MEAK7: variants seen among roughly 807,000 people sequenced by gnomAD.
The protein encoded by MEAK7 is MTOR-associated protein MEAK7.
Under a neutral mutation model 40.5 loss-of-function variants are expected in MEAK7, and 68 were observed. That is an observed-to-expected ratio of 1.68 (90% CI 1.38 to 2.06). The LOEUF (loss-of-function observed/expected upper bound fraction) is 2.06. Among genes scored for constraint, MEAK7 ranks in the 30% most tolerant of loss-of-function variants. The pLI is 0.00. For synonymous variants in MEAK7, 338 were observed against 231.9 expected (o/e 1.46, Z -4.16); for missense variants, 918 against 580.5 (o/e 1.58, Z -5.98).
At position 84,482,594 on chromosome 16, in the gene MEAK7, G is replaced by C. The variant is rs1912662923; in HGVS notation, c.1075C>G (p.Leu359Val). 2 of 1,614,192 alleles carry C rather than the reference G, an allele frequency of 1.2e-6. No individual in the cohort carries two copies. The highest frequency in any genetic ancestry group is 1.7e-6 in the Non-Finnish European group (2 of 1,179,996). Residue 359 changes from leucine (L) to valine (V), a missense_variant and splice_region_variant, in exon 6 of 8, where the codon CTG becomes GTG. Coordinates refer to ENST00000343629, the MANE Select transcript of MEAK7 (RefSeq NM_020947.4). ...NHGQQTIPNG[L>V]GMGGQHNYFG... is the part of the protein sequence containing the mutation. ...CACCACGCTCTGCCCGGGCTCACCA[G>C]TCCGTTCGGGATCGTCTGCTGTCCA...
At chr16:84,498,927 A>C (rs1337162361) in intron 1 of MEAK7, among the ~76,000 whole-genome samples, 1 of 152,164 alleles carries the variant, frequency 6.6e-6, no homozygotes, top group Non-Finnish European at 1.5e-5. Context: ...CAAGCTACTA[A>C]AACGCTCTCT....
Position 84,504,601 on chromosome 16 carries a change from C to T in MEAK7, c.-26G>A. 1.0e-6 allele frequency: 1 copy of T among 985,730 alleles called. No individual in the cohort carries two copies. Among genetic ancestry groups the T allele is most frequent in the Non-Finnish European group, 1.2e-6 (1 of 830,120 alleles). 61.1% of individuals were successfully genotyped at this position (985,730 alleles called of 1,614,324 possible). ...TGCGAACCTCAGCCCAGGTACCTAC[C>T]CTGCCGGGCTTCCTGGTGCTGTCCG... On this transcript the variant is annotated splice_region_variant and 5_prime_UTR_variant, in exon 1 of 8. Coordinates refer to ENST00000343629, the MANE Select transcript of MEAK7 (RefSeq NM_020947.4).
chr16:84,480,233 G>A (rs1431793775), intron 7 of MEAK7, among the ~76,000 whole-genome samples: 28 of 152,142 alleles, frequency 1.8e-4, no homozygotes. Context: ...AACCAGGGAA[G>A]CGGAAGGAAC....
intron 3 of MEAK7, among the ~76,000 whole-genome samples, chr16:84,493,626 CCTTT>C (rs1180419291): frequency 1.3e-5 from 2 of 151,996 alleles, no homozygotes; most frequent in African/African-American, 2.4e-5. Flanking sequence ...AAACATAATC[CCTTT>C]CTGTCTACCT....
At chr16:84,493,834 G>C (rs777382984) in intron 3 of MEAK7, among the ~76,000 whole-genome samples, 6 of 152,158 alleles carry the variant, frequency 3.9e-5, no homozygotes, top group Non-Finnish European at 8.8e-5. Flanking sequence ...CTGTAGAGCT[G>C]ATAAAAGCCA....
chr16:84,489,171 G>A (rs1231870134), intron 4 of MEAK7, 107 bp downstream of exon 4: 10 of 1,373,594 alleles, frequency 7.3e-6, no homozygotes, highest in Non-Finnish European at 9.6e-6. Context: ...AGGTTCGAGG[G>A]CTCACGCATT....
chr16:84,502,938 T>C (rs1914620266), intron 1 of MEAK7: 1 of 152,136 alleles, frequency 6.6e-6, no homozygotes, highest in African/African-American at 2.4e-5. Context: ...GACCAGACTT[T>C]AGTCAGGCTC....
In MEAK7 at chr16:84,489,281, G is replaced by T. The variant is rs753665833; in HGVS notation, c.526C>A (p.Gln176Lys). 1 of 1,613,976 alleles carries T rather than the reference G, an allele frequency of 6.2e-7. No individual in the cohort carries two copies. Among genetic ancestry groups the T allele is most frequent in the Non-Finnish European group, 8.5e-7 (1 of 1,179,932 alleles). The change falls in exon 4 of 8, where the codon CAA becomes AAA. Residue 176 changes from glutamine (Q) to lysine (K), a missense_variant. Coordinates refer to ENST00000343629, the MANE Select transcript of MEAK7 (RefSeq NM_020947.4). ...CACCGCGTCCACGCACACTTGCCTT[G>T]CAGCTTCATGTCAGAGAGCAGCTGA... is the stretch of plus-strand genomic sequence containing the variant. ...AAQLLSDMKLQDGKRLLGPQW... is the reference protein window; with the variant it reads ...AAQLLSDMKLKDGKRLLGPQW...
At chr16:84,489,179 A>G in intron 4 of MEAK7, 99 bp downstream of exon 4, 1 of 1,425,754 alleles carries the variant, frequency 7.0e-7, no homozygotes, top group African/African-American at 1.4e-5. Flanking sequence ...GGGCTCACGC[A>G]TTCTGGTTTC....
chr16:84,483,406 C>A (rs564084871), intron 5 of MEAK7, among the ~76,000 whole-genome samples: 44 of 152,378 alleles, frequency 2.9e-4, no homozygotes, highest in African/African-American at 1.0e-3. Flanking sequence ...CACTTCCCAC[C>A]ATGTTCTGAG....
At chr16:84,491,947 G>A (rs894013620) in intron 3 of MEAK7, among the ~76,000 whole-genome samples, 1 of 152,126 alleles carries the variant, frequency 6.6e-6, no homozygotes, top group African/African-American at 2.4e-5. Flanking sequence ...TTGCTGTTAA[G>A]TTACAGGGCT....
chr16:84,504,606 C>G lies in MEAK7; in HGVS notation c.-31G>C, dbSNP rs1914749661. 1.0e-6 allele frequency: 1 copy of G among 985,690 alleles called. No individual in the cohort carries two copies. Among genetic ancestry groups the G allele is most frequent in the Non-Finnish European group, 1.2e-6 (1 of 830,096 alleles). 61.1% of individuals were successfully genotyped at this position (985,690 alleles called of 1,614,324 possible). A position where few individuals can be genotyped will look rare whatever the true frequency, so the allele number is the denominator to read the frequency against. On this transcript the variant is annotated 5_prime_UTR_variant, in exon 1 of 8. Coordinates refer to ENST00000343629, the MANE Select transcript of MEAK7 (RefSeq NM_020947.4). Reference sequence around the variant, plus strand: ...ACCTCAGCCCAGGTACCTACCCTGCCGGGCTTCCTGGTGCTGTCCGGTCCG... The same window carrying G: ...ACCTCAGCCCAGGTACCTACCCTGCGGGGCTTCCTGGTGCTGTCCGGTCCG...
In MEAK7 at chr16:84,485,252, T is replaced by G. The variant is rs796926140; in HGVS notation, c.958+1379A>C. Among the ~76,000 whole-genome samples the G allele has an allele frequency of 8.5e-5, 13 of 152,312 alleles. 1 individual carries two copies. The highest frequency in any genetic ancestry group is 3.1e-4 in the African/African-American group (13 of 41,560). On this transcript the variant is annotated intron_variant, in intron 5 of 7. Coordinates refer to ENST00000343629, the MANE Select transcript of MEAK7 (RefSeq NM_020947.4). ...GGGCTGGCACCTGGAAACTTTGATT[T>G]GGGGAGAATTCCCACCATTCCCAGA... is the stretch of plus-strand genomic sequence containing the variant.
At chr16:84,487,798 A>G (rs1450841667) in intron 4 of MEAK7, 4 of 152,290 alleles carry the variant, frequency 2.6e-5, no homozygotes, top group Non-Finnish European at 5.9e-5. Flanking sequence ...GCTCAGGAAC[A>G]GCATGACCTT....
intron 1 of MEAK7, among the ~76,000 whole-genome samples, chr16:84,501,976 C>A (rs544771225): frequency 9.5e-4 from 145 of 152,252 alleles, no homozygotes; most frequent in South Asian, 1.9e-3. Context: ...GAAACCCTGT[C>A]TCTACTAAAA....
chr16:84,486,986 G>A lies in MEAK7; in HGVS notation c.603C>T (p.Phe201=). Residue 201 remains phenylalanine, a synonymous_variant, in exon 5 of 8, where the codon TTC becomes TTT. Transcript: ENST00000343629. ...GGAATATGGCCACATGGGGGACCCTGAACACCCAGTCCTCGATCACAGCTC... is the reference window on the plus strand; with the variant it reads ...GGAATATGGCCACATGGGGGACCCTAAACACCCAGTCCTCGATCACAGCTC... The part of the protein sequence containing the change: ...CDRAVIEDWV[F]RVPHVAIFLS... The A allele has an allele frequency of 1.9e-6, 3 of 1,614,146 alleles. No homozygotes were observed. Among genetic ancestry groups the A allele is most frequent in the East Asian group, 2.2e-5 (1 of 44,866 alleles).
intron 5 of MEAK7, among the ~76,000 whole-genome samples, chr16:84,485,725 C>T (rs1912991871): frequency 6.6e-6 from 1 of 152,022 alleles, no homozygotes; most frequent in Admixed American, 6.6e-5. Flanking sequence ...CTCTGTTGCT[C>T]AGGCTGGAGT....
chr16:84,502,812 G>T (rs530980456), intron 1 of MEAK7: 1 of 152,150 alleles, frequency 6.6e-6, no homozygotes, highest in Non-Finnish European at 1.5e-5. Context: ...AGAGGTCGCA[G>T]TGAGCCAAGA....
chr16:84,495,124 C>T (rs1313474785), intron 3 of MEAK7, among the ~76,000 whole-genome samples: 1 of 152,096 alleles, frequency 6.6e-6, no homozygotes, highest in African/African-American at 2.4e-5. Flanking sequence ...CAAAAATCGG[C>T]CAGGCACGGT....
Sources: allele counts gnomAD v4.1 joint callset (sites outside exome capture counted in the v4.1 genomes callset), GRCh38; gene constraint gnomAD v4.1.1; transcripts MANE v1.5; gene names NCBI Gene and HGNC (gene_info 2026-07-23, HGNC 2026-07-21).